The following L3MBTL4 variants were observed in gnomAD, a reference collection of about 807,000 sequenced individuals.
The protein encoded by L3MBTL4 is lethal(3)malignant brain tumor-like protein 4.
A neutral mutation model predicts 84.5 loss-of-function variants in L3MBTL4; 70 were observed. That is an observed-to-expected ratio of 0.83 (90% CI 0.68 to 1.01). The LOEUF (loss-of-function observed/expected upper bound fraction) is 1.01. L3MBTL4 is among the 50% of genes least tolerant of loss of function. The probability of loss-of-function intolerance (pLI) is 0.00; values close to 1 mark genes in which losing one functional copy is unlikely to be tolerated. For synonymous variants in L3MBTL4, 274 were observed against 259.8 expected (o/e 1.05, Z -0.52); for missense variants, 715 against 754.8 (o/e 0.95, Z 0.62).
rs1465217610 is a variant in L3MBTL4 at position 6,072,879 on chromosome 18, AAAATATATATATATATAT to A, written c.1444+7984_1444+8001del. The stretch of plus-strand genomic sequence containing the variant: ...AGACTCCGTCTCAAAAAAAAAAAAA[AAAATATATATATATATAT>A]ATATATATATATATATATATATATA... On this transcript the variant is annotated intron_variant, in intron 16 of 18. Coordinates refer to ENST00000317931, the MANE Select transcript of L3MBTL4 (RefSeq NM_001330559.2). Among the ~76,000 whole-genome samples the A allele has an allele frequency of 1.9e-4, 8 of 41,598 alleles. 1 individual carries two copies. The highest frequency in any genetic ancestry group is 3.6e-4 in the Non-Finnish European group (8 of 22,012). The allele number at this position is 41,598 out of a possible 152,430, so 27.3% of individuals were successfully genotyped here. A position where few individuals can be genotyped will look rare whatever the true frequency, so the allele number is the denominator to read the frequency against.
In L3MBTL4 at chr18:6,407,835, T is replaced by C. The variant is rs149937227; in HGVS notation, c.-91+6966A>G. 3.0e-3 allele frequency among the ~76,000 whole-genome samples: 454 copies of C among 152,182 alleles called. 3 individuals are homozygous for C. Among genetic ancestry groups the C allele is most frequent in the African/African-American group, 0.01 (418 of 41,536 alleles). ...CACCCAACAAGTTTTCTGGAGAACA[T>C]AGAAAAGTAAAATTCCACACCTCAG... On this transcript the variant is annotated intron_variant, in intron 1 of 18. Transcript: ENST00000317931.
At chr18:6,207,181 TG>T (rs1568314633) in intron 12 of L3MBTL4, among the ~76,000 whole-genome samples, 5 of 152,250 alleles carry the variant, frequency 3.3e-5, no homozygotes, top group African/African-American at 1.2e-4. Flanking sequence ...ATATTGTCTC[TG>T]GCTGTTTTTG....
intron 1 of L3MBTL4, among the ~76,000 whole-genome samples, chr18:6,322,474 G>T (rs2051465344): frequency 6.9e-6 from 1 of 144,860 alleles, no homozygotes; most frequent in African/African-American, 2.6e-5. Flanking sequence ...AGGAAGGAAG[G>T]AAGGAAGGAA....
intron 1 of L3MBTL4, among the ~76,000 whole-genome samples, chr18:6,361,020 TAAA>T (rs34239414): frequency 4.5e-5 from 5 of 110,018 alleles, no homozygotes; most frequent in South Asian, 2.9e-4. Flanking sequence ...TCTACCTGAT[TAAA>T]AAAAAAAAAA....
At chr18:6,092,586 C>T (rs1332302767) in intron 15 of L3MBTL4, among the ~76,000 whole-genome samples, 1 of 152,164 alleles carries the variant, frequency 6.6e-6, no homozygotes, top group Admixed American at 6.5e-5. Flanking sequence ...AGGAAAACAC[C>T]CATTTCTCAT....
At chr18:6,152,813 A>G (rs2042952478) in intron 13 of L3MBTL4, among the ~76,000 whole-genome samples, 2 of 152,130 alleles carry the variant, frequency 1.3e-5, no homozygotes, top group South Asian at 2.1e-4. Context: ...ATCAAAACCA[A>G]TGTCTTGATA....
intron 4 of L3MBTL4, among the ~76,000 whole-genome samples, chr18:6,272,844 T>C (rs1316642364): frequency 8.6e-6 from 1 of 116,640 alleles, no homozygotes; most frequent in Non-Finnish European, 1.7e-5. Context: ...TACAGAGTGG[T>C]GCCTTCAGGA....
At chr18:6,103,145 A>G (rs561332039) in intron 14 of L3MBTL4, among the ~76,000 whole-genome samples, 23 of 152,348 alleles carry the variant, frequency 1.5e-4, no homozygotes, top group African/African-American at 1.7e-4. Flanking sequence ...GATCTGATGA[A>G]TAGAATCTGC....
chr18:6,264,783 T>C (rs1478959034), intron 4 of L3MBTL4, among the ~76,000 whole-genome samples: 3 of 152,280 alleles, frequency 2.0e-5, no homozygotes, highest in Non-Finnish European at 4.4e-5. Context: ...AAATCTCATC[T>C]TGGGGAAAAA....
intron 10 of L3MBTL4, among the ~76,000 whole-genome samples, chr18:6,229,579 A>AC (rs1295012028): frequency 6.6e-6 from 1 of 151,902 alleles, no homozygotes; most frequent in East Asian, 1.9e-4. Context: ...CTTTTTCTCT[A>AC]CGTTTTCTTT....
chr18:6,392,545 T>C (rs779223163), intron 1 of L3MBTL4, among the ~76,000 whole-genome samples: 1 of 152,190 alleles, frequency 6.6e-6, no homozygotes, highest in Admixed American at 6.5e-5. Flanking sequence ...CGAGAGACTC[T>C]GTCTCAATAA....
intron 12 of L3MBTL4, among the ~76,000 whole-genome samples, chr18:6,202,131 C>T (rs1043029566): frequency 6.6e-6 from 1 of 152,178 alleles, no homozygotes; most frequent in Non-Finnish European, 1.5e-5. Flanking sequence ...GTTTCTGTAC[C>T]TCCCTTCCCT....
chr18:6,224,382 A>AG (rs2046688286), intron 10 of L3MBTL4, among the ~76,000 whole-genome samples: 1 of 152,266 alleles, frequency 6.6e-6, no homozygotes, highest in South Asian at 2.1e-4. Context: ...TTCTAATGGC[A>AG]GCAGTGTGGG....
chr18:6,162,955 T>G (rs939416726), intron 13 of L3MBTL4, among the ~76,000 whole-genome samples: 1 of 152,128 alleles, frequency 6.6e-6, no homozygotes, highest in Non-Finnish European at 1.5e-5. Context: ...TGAAGGGCTT[T>G]GTGTGCATGC....
chr18:6,335,802 G>A (rs1481820501), intron 1 of L3MBTL4, among the ~76,000 whole-genome samples: 1 of 152,192 alleles, frequency 6.6e-6, no homozygotes, highest in African/African-American at 2.4e-5. Flanking sequence ...TGAAGAAGGT[G>A]CCTGCTTCTC....
rs990138101 is a variant in L3MBTL4 at position 6,386,203 on chromosome 18, A to C, written c.-91+28598T>G. On this transcript the variant is annotated intron_variant, in intron 1 of 18. Transcript: ENST00000317931. ...GCATTTGAGTTGAACTTAAAGAATG[A>C]GAAAGATTCCAACAAGTAGAGAAAG... Among the ~76,000 whole-genome samples the C allele has an allele frequency of 2.6e-5, 4 of 152,350 alleles. 1 individual carries two copies. In the East Asian group the frequency reaches 7.7e-4, roughly 29 times the overall value.
At chr18:6,205,398 T>C (rs541253840) in intron 12 of L3MBTL4, among the ~76,000 whole-genome samples, 5 of 152,226 alleles carry the variant, frequency 3.3e-5, no homozygotes, top group Admixed American at 1.3e-4. Flanking sequence ...CATAGTAAAT[T>C]TGTGGTGTTT....
At chr18:6,090,621 CACAT>C (rs1335292729) in intron 15 of L3MBTL4, among the ~76,000 whole-genome samples, 3 of 122,252 alleles carry the variant, frequency 2.5e-5, no homozygotes, top group African/African-American at 4.1e-5. Context: ...CACACACACA[CACAT>C]ATATTTCTTT....
chr18:6,095,444 G>A (rs1284622224), intron 14 of L3MBTL4, among the ~76,000 whole-genome samples: 3 of 146,322 alleles, frequency 2.1e-5, no homozygotes, highest in Non-Finnish European at 1.5e-5. Context: ...TCCGCCTCCC[G>A]GGTTCACGCC....
Sources: allele counts gnomAD v4.1 joint callset (sites outside exome capture counted in the v4.1 genomes callset), GRCh38; gene constraint gnomAD v4.1.1; transcripts MANE v1.5; gene names NCBI Gene and HGNC (gene_info 2026-07-23, HGNC 2026-07-21).